The following ATG7 variants were observed in gnomAD, a reference collection of about 807,000 sequenced individuals.
ATG7 encodes autophagy related 7, also known as ubiquitin-like modifier-activating enzyme ATG7.
In ATG7, 70 loss-of-function variants were observed where a neutral mutation model predicts 82.4. The ratio of observed to expected loss-of-function variants is 0.85; its 90% CI spans 0.70 to 1.04. ATG7 has a LOEUF of 1.04. Among genes scored for constraint, ATG7 ranks in the 50% least tolerant of loss-of-function variants. The pLI, the probability that ATG7 is intolerant of heterozygous loss-of-function variation, is 0.00. For missense variants in ATG7, 792 were observed against 864.3 expected (o/e 0.92, Z 1.05); for synonymous variants, 287 against 313.0 (o/e 0.92, Z 0.88).
At chr3:11,481,615 G>A (rs2088985363) in intron 20 of ATG7, among the ~76,000 whole-genome samples, 1 of 152,170 alleles carries the variant, frequency 6.6e-6, no homozygotes, top group Non-Finnish European at 1.5e-5. Context: ...CTCCTCTAAT[G>A]AATTGTATAA....
At chr3:11,382,334 G>A (rs2077970237) in intron 19 of ATG7, among the ~76,000 whole-genome samples, 1 of 152,264 alleles carries the variant, frequency 6.6e-6, no homozygotes. Flanking sequence ...AGCTTTTTAT[G>A]TAGCCTGAGG....
At chr3:11,542,219 G>C (rs1182805960) in intron 20 of ATG7, among the ~76,000 whole-genome samples, 1 of 152,252 alleles carries the variant, frequency 6.6e-6, no homozygotes, top group East Asian at 1.9e-4. Context: ...ACCAGTGCTT[G>C]GACAAGCCCT....
At chr3:11,282,751 C>G (rs982928369) in intron 3 of ATG7, among the ~76,000 whole-genome samples, 2 of 152,214 alleles carry the variant, frequency 1.3e-5, no homozygotes, top group Admixed American at 1.3e-4. Flanking sequence ...AAACCTCCCT[C>G]TTTAACAGCC....
At chr3:11,354,697 A>C (rs963460137) in intron 14 of ATG7, among the ~76,000 whole-genome samples, 2 of 150,060 alleles carry the variant, frequency 1.3e-5, no homozygotes, top group African/African-American at 4.9e-5. Context: ...ATGGAGCCAC[A>C]CTTGAGGTTT....
chr3:11,429,765 C>T (rs571632389), intron 20 of ATG7, among the ~76,000 whole-genome samples: 36 of 152,026 alleles, frequency 2.4e-4, no homozygotes, highest in Middle Eastern at 3.4e-3. Context: ...CTGGGCAACA[C>T]GGCGAAACCT....
At chr3:11,358,152 T>C (rs1348066904) in intron 14 of ATG7, among the ~76,000 whole-genome samples, 2 of 152,102 alleles carry the variant, frequency 1.3e-5, no homozygotes, top group Non-Finnish European at 2.9e-5. Context: ...TCAGGTAGGA[T>C]GTGCCCCCTC....
At chr3:11,295,987 A>G (rs1367002058) in intron 3 of ATG7, among the ~76,000 whole-genome samples, 3 of 152,124 alleles carry the variant, frequency 2.0e-5, no homozygotes, top group African/African-American at 7.2e-5. Context: ...CATTTTGGTC[A>G]GGCTGGTCTC....
intron 20 of ATG7, among the ~76,000 whole-genome samples, chr3:11,511,983 A>G (rs2092088241): frequency 6.6e-6 from 1 of 151,980 alleles, no homozygotes; most frequent in African/African-American, 2.4e-5. Context: ...CTCTCCCTCC[A>G]CACCTCCCTG....
chr3:11,421,799 A>G (rs889352481), intron 19 of ATG7, among the ~76,000 whole-genome samples: 2 of 152,212 alleles, frequency 1.3e-5, no homozygotes, highest in African/African-American at 2.4e-5. Flanking sequence ...TAAGACTTGG[A>G]AGTCAAAATT....
intron 20 of ATG7, among the ~76,000 whole-genome samples, chr3:11,482,115 C>G (rs2089062569): frequency 1.3e-5 from 2 of 152,234 alleles, no homozygotes; most frequent in African/African-American, 4.8e-5. Flanking sequence ...GGTTCCTTCT[C>G]TCATCACTGC....
chr3:11,304,868 A>G (rs1280472578), intron 5 of ATG7, among the ~76,000 whole-genome samples: 1 of 152,208 alleles, frequency 6.6e-6, no homozygotes, highest in Admixed American at 6.5e-5. Flanking sequence ...TTCATATACC[A>G]TAAAATTCAC....
Position 11,555,026 on chromosome 3 carries a change from T to C in ATG7, c.*183T>C. 1 of 686,240 alleles carries C rather than the reference T, an allele frequency of 1.5e-6. No homozygotes were observed. The highest frequency in any genetic ancestry group is 2.3e-6 in the Non-Finnish European group (1 of 426,122). 42.5% of individuals were successfully genotyped at this position (686,240 alleles called of 1,614,324 possible). ...GTTCGGCGTTGCTCGGGATTCAAGA[T>C]ACCACCAGTTCAGAGCTAAATAATA... is the stretch of plus-strand genomic sequence containing the variant. On this transcript the variant is annotated 3_prime_UTR_variant, in exon 21 of 21. Transcript: ENST00000693202.
In ATG7 at chr3:11,417,800, A is replaced by ATTATTTTTTTTTT. The variant is rs1553652380; in HGVS notation, c.1957-9002_1957-9001insATTTTTTTTTTTT. Among the ~76,000 whole-genome samples, 87 of 109,322 alleles carry ATTATTTTTTTTTT rather than the reference A, an allele frequency of 8.0e-4. 7 individuals are homozygous for ATTATTTTTTTTTT. The highest frequency in any genetic ancestry group is 2.1e-3 in the East Asian group (7 of 3,264). The allele number at this position is 109,322 out of a possible 152,430, so 71.7% of individuals were successfully genotyped here. ...CATTTAAAAAATTATTATTATTATT[A>ATTATTTTTTTTTT]TTTTATTTTATTTTATTTTTTTTTT... On this transcript the variant is annotated intron_variant, in intron 19 of 20. Coordinates refer to ENST00000693202, the MANE Select transcript of ATG7 (RefSeq NM_001349232.2).
At chr3:11,428,140 A>G (rs2082533362) in intron 20 of ATG7, among the ~76,000 whole-genome samples, 2 of 152,212 alleles carry the variant, frequency 1.3e-5, no homozygotes, top group Non-Finnish European at 2.9e-5. Flanking sequence ...AATTATTTCT[A>G]GCTAGGTGGC....
intron 18 of ATG7, among the ~76,000 whole-genome samples, chr3:11,366,033 C>T (rs2076583599): frequency 6.6e-6 from 1 of 152,022 alleles, no homozygotes; most frequent in African/African-American, 2.4e-5. Flanking sequence ...GCCTGACCAA[C>T]ATGGTGAAAC....
chr3:11,558,913 C>T, downstream of ATG7: 2 of 1,484,456 alleles, frequency 1.3e-6, no homozygotes, highest in Non-Finnish European at 1.8e-6. Context: ...TCAGGCAGCC[C>T]AGAGCCGGAC....
At chr3:11,526,103 AT>A (rs2092572534) in intron 20 of ATG7, among the ~76,000 whole-genome samples, 1 of 152,170 alleles carries the variant, frequency 6.6e-6, no homozygotes, top group Admixed American at 6.5e-5. Context: ...CATAATCTTC[AT>A]CAAGGGCCAG....
intron 5 of ATG7, among the ~76,000 whole-genome samples, chr3:11,306,215 C>T (rs1041872543): frequency 3.3e-5 from 5 of 152,184 alleles, no homozygotes; most frequent in Admixed American, 2.6e-4. Flanking sequence ...TGCAGACAAC[C>T]GTCAGGGGCT....
chr3:11,279,599 G>A (rs1184306747), intron 1 of ATG7, among the ~76,000 whole-genome samples: 2 of 152,036 alleles, frequency 1.3e-5, no homozygotes, highest in Non-Finnish European at 2.9e-5. Context: ...CAGGAGAATC[G>A]CTTGAACCCG....
Sources: allele counts gnomAD v4.1 joint callset (sites outside exome capture counted in the v4.1 genomes callset), GRCh38; gene constraint gnomAD v4.1.1; transcripts MANE v1.5; gene names NCBI Gene and HGNC (gene_info 2026-07-23, HGNC 2026-07-21).